Variants in MTAP observed in about 807,000 individuals in gnomAD.
The protein encoded by MTAP is S-methyl-5'-thioadenosine phosphorylase.
A neutral mutation model predicts 33.6 loss-of-function variants in MTAP; 33 were observed. The ratio of observed to expected loss-of-function variants is 0.98; its 90% CI spans 0.74 to 1.31. The LOEUF is 1.31. MTAP is among the 40% of genes most tolerant of loss of function. MTAP has a pLI of 0.00. For missense variants in MTAP, 367 were observed against 360.0 expected (o/e 1.02, Z -0.16); for synonymous variants, 148 against 125.7 (o/e 1.18, Z -1.19).
chr9:21,859,230 G>T, intron 6 of MTAP, 73 bp from the exon 7 acceptor site: 1 of 1,539,674 alleles, frequency 6.5e-7, no homozygotes, highest in East Asian at 2.3e-5. Context: ...CAAGGCTGGA[G>T]CTCAGAAAAA....
chr9:21,816,455 G>A (rs1160767660), intron 2 of MTAP, among the ~76,000 whole-genome samples: 1 of 152,110 alleles, frequency 6.6e-6, no homozygotes, highest in Non-Finnish European at 1.5e-5. Context: ...GTTCCCTGGG[G>A]TACTCGTTAC....
intron 1 of MTAP, among the ~76,000 whole-genome samples, chr9:21,895,843 C>T (rs1818283350): frequency 1.3e-5 from 2 of 152,156 alleles, no homozygotes; most frequent in African/African-American, 2.4e-5. Context: ...CACCACAGCT[C>T]AAGGAGGCTT....
intron 6 of MTAP, 59 bp from the exon 7 acceptor site, chr9:21,859,244 T>C (rs550376234): frequency 1.9e-6 from 3 of 1,555,272 alleles, no homozygotes; most frequent in Non-Finnish European, 2.6e-6. Flanking sequence ...AGAAAAATGT[T>C]TTATGACAAG....
Position 21,864,125 on chromosome 9 carries a change from A to C in MTAP, c.*2111A>C, listed in dbSNP as rs1825809798. The C allele has an allele frequency of 1.0e-6, 1 of 985,342 alleles. No individual in the cohort carries two copies. The highest frequency in any genetic ancestry group is 1.7e-5 in the African/African-American group (1 of 57,250). The allele number at this position is 985,342 out of a possible 1,614,324, so 61.0% of individuals were successfully genotyped here. A position where few individuals can be genotyped will look rare whatever the true frequency, so the allele number is the denominator to read the frequency against. ...TATGGGCATTTTTCTTGCTATGTTC[A>C]GAAAGTACAGTTCTCTCCAACTTGC... is the stretch of plus-strand genomic sequence containing the variant. On this transcript the variant is annotated 3_prime_UTR_variant, in exon 8 of 8. Coordinates refer to ENST00000644715, the MANE Select transcript of MTAP (RefSeq NM_002451.4).
chr9:21,818,267 G>A (rs985274453), intron 4 of MTAP, 65 bp downstream of exon 4: 27 of 1,520,362 alleles, frequency 1.8e-5, no homozygotes, highest in African/African-American at 1.1e-4. Flanking sequence ...AATGGACGAC[G>A]CGTGGGAACC....
chr9:21,822,902 T>G (rs1436652996), intron 4 of MTAP, among the ~76,000 whole-genome samples: 1 of 152,242 alleles, frequency 6.6e-6, no homozygotes, highest in African/African-American at 2.4e-5. Context: ...TTGTCTCTTT[T>G]GATCTTTGTT....
At chr9:21,813,174 T>C (rs528203845) in intron 1 of MTAP, among the ~76,000 whole-genome samples, 2 of 152,368 alleles carry the variant, frequency 1.3e-5, no homozygotes, top group South Asian at 2.1e-4. Flanking sequence ...GGTGGCGACA[T>C]TGGCCACATC....
chr9:21,930,582 A>T (rs977117399), intron 1 of MTAP: 17 of 331,558 alleles, frequency 5.1e-5, no homozygotes, highest in Admixed American at 1.8e-4. Flanking sequence ...GGAATCTCAA[A>T]AGCCTCCTTG....
At chr9:21,869,450 A>T (rs191983900), downstream of MTAP, among the ~76,000 whole-genome samples, 48 of 152,000 alleles carry the variant, frequency 3.2e-4, no homozygotes, top group African/African-American at 1.1e-3. Flanking sequence ...TCCTTCATTG[A>T]TGGTTGCTGC....
chr9:21,919,432 A>G (rs1818749919), intron 1 of MTAP, among the ~76,000 whole-genome samples: 1 of 152,112 alleles, frequency 6.6e-6, no homozygotes, highest in Non-Finnish European at 1.5e-5. Flanking sequence ...CTTTTTCTAT[A>G]AAAGGAGCAA....
At chr9:21,874,871 T>A (rs779121210) in intron 1 of MTAP, among the ~76,000 whole-genome samples, 3 of 151,930 alleles carry the variant, frequency 2.0e-5, no homozygotes, top group African/African-American at 4.8e-5. Context: ...CAGGCCCCGG[T>A]ATGTGATGTT....
chr9:21,877,878 G>A (rs1826033966), intron 1 of MTAP, among the ~76,000 whole-genome samples: 1 of 152,152 alleles, frequency 6.6e-6, no homozygotes, highest in Non-Finnish European at 1.5e-5. Context: ...CTCATAGAAT[G>A]AGTTGGGGAG....
intron 6 of MTAP, 126 bp from the exon 7 acceptor site, chr9:21,859,175 GTT>G: frequency 1.5e-6 from 2 of 1,378,090 alleles, no homozygotes; most frequent in Non-Finnish European, 9.8e-7. Flanking sequence ...TGAGGATTCG[GTT>G]TCAGCAGATA....
intron 5 of MTAP, among the ~76,000 whole-genome samples, chr9:21,849,936 T>C (rs1489387247): frequency 1.3e-5 from 2 of 152,228 alleles, no homozygotes; most frequent in Admixed American, 6.5e-5. Context: ...TATCTGTCCA[T>C]AAGGACCACC....
chr9:21,805,643 C>T (rs1457464596), intron 1 of MTAP, among the ~76,000 whole-genome samples: 2 of 152,166 alleles, frequency 1.3e-5, no homozygotes, highest in African/African-American at 4.8e-5. Flanking sequence ...GTGGAGCCCT[C>T]ATGAATGGAA....
chr9:21,899,724 C>T (rs142952073), intron 1 of MTAP, among the ~76,000 whole-genome samples: 1 of 152,290 alleles, frequency 6.6e-6, no homozygotes, highest in East Asian at 1.9e-4. Context: ...CAATTATCTC[C>T]ACCTGGTCCC....
intron 1 of MTAP, among the ~76,000 whole-genome samples, chr9:21,878,416 T>C (rs908899207): frequency 6.6e-6 from 1 of 152,200 alleles, no homozygotes; most frequent in Admixed American, 6.5e-5. Context: ...GGTTTGCTTT[T>C]GTTTTTCTGG....
downstream of MTAP, among the ~76,000 whole-genome samples, chr9:21,938,052 T>C (rs898388100): frequency 2.0e-5 from 3 of 152,054 alleles, no homozygotes; most frequent in Admixed American, 2.0e-4. Context: ...GTGGGCTGAT[T>C]GCCTGAGCTC....
At chr9:21,929,787 G>C (rs1308288130) in intron 1 of MTAP, 1 of 212,986 alleles carries the variant, frequency 4.7e-6, no homozygotes, top group Non-Finnish European at 9.8e-6. Context: ...CTCATTTTTG[G>C]ATCAATCTTT....
Sources: allele counts gnomAD v4.1 joint callset (sites outside exome capture counted in the v4.1 genomes callset), GRCh38; gene constraint gnomAD v4.1.1; transcripts MANE v1.5; gene names NCBI Gene and HGNC (gene_info 2026-07-23, HGNC 2026-07-21).